TBL1X: variants seen among roughly 807,000 people sequenced by gnomAD.
TBL1X encodes F-box-like/WD repeat-containing protein TBL1X.
In TBL1X, 10 loss-of-function variants were observed where a neutral mutation model predicts 50.7. The ratio of observed to expected loss-of-function variants is 0.20; its 90% CI spans 0.12 to 0.33. The LOEUF is 0.33. TBL1X is among the 10% of genes least tolerant of loss of function. The pLI is 1.00. For missense variants in TBL1X, 340 were observed against 504.4 expected, an observed-to-expected ratio of 0.67 and a Z score of 3.12; for synonymous variants, 190 against 214.7, an observed-to-expected ratio of 0.88 and a Z score of 1.01.
chrX:9,665,523 A>ATATATATATG (rs2082924929), intron 5 of TBL1X, among the ~76,000 whole-genome samples: 2 of 52,047 alleles, frequency 3.8e-5, no homozygotes, highest in Non-Finnish European at 7.3e-5. Flanking sequence ...ATATATATAT[A>ATATATATATG]TATATATATA....
rs2082848916 is a variant in TBL1X, at chrX:9,653,666, A to G, written c.80A>G (p.His27Arg). The change falls in exon 4 of 18, where the codon CAC becomes CGC. Residue 27 changes from histidine to arginine, a missense_variant. Physicochemically the swap from His to Arg is conservative, Grantham distance 29 (BLOSUM62 0). This residue lies in a region of TBL1X where 41 missense variants were observed against 48.6 expected (regional missense o/e 0.84). Transcript: ENST00000645353. ...GGGGCCATGCAGTCAGTCTTGCACC[A>G]CTTTCAACGTTTGCGAGGGAGAGGT... ...GRGAMQSVLH[H>R]FQRLRGREGG... is the part of the protein sequence containing the mutation. 8.5e-7 allele frequency: 1 copy of G among 1,170,077 alleles called. No individual in the cohort carries two copies. Among genetic ancestry groups the G allele is most frequent in the Non-Finnish European group, 1.1e-6 (1 of 874,706 alleles).
chrX:9,486,386 AC>A (rs1250404810), intron 1 of TBL1X, among the ~76,000 whole-genome samples: 2 of 109,805 alleles, frequency 1.8e-5, no homozygotes, highest in Non-Finnish European at 3.8e-5. Flanking sequence ...GGTGTGTGCC[AC>A]CACACCTGGT....
At chrX:9,627,953 A>C (rs1027943547) in intron 2 of TBL1X, among the ~76,000 whole-genome samples, 5 of 112,463 alleles carry the variant, frequency 4.4e-5, no homozygotes, top group Admixed American at 3.8e-4. Context: ...TCTGAATGGG[A>C]AAGTGAGGAG....
At chrX:9,531,810 G>A (rs866048254) in intron 2 of TBL1X, among the ~76,000 whole-genome samples, 6 of 109,258 alleles carry the variant, frequency 5.5e-5, no homozygotes, top group African/African-American at 1.3e-4. Flanking sequence ...TCAGCTCACC[G>A]CAACCTCCAC....
At chrX:9,491,338 A>ATATATATATATATATATATTTT (rs1328551249) in intron 1 of TBL1X, among the ~76,000 whole-genome samples, 1 of 31,312 alleles carries the variant, frequency 3.2e-5, no homozygotes, top group African/African-American at 1.2e-4. Context: ...ATATATATAT[A>ATATATATATATATATATATTTT]TTTTTTTTTT....
chrX:9,689,912 G>A (rs910293776), intron 7 of TBL1X, among the ~76,000 whole-genome samples: 2 of 112,359 alleles, frequency 1.8e-5, no homozygotes, highest in African/African-American at 6.5e-5. Context: ...CAGGCTTCTC[G>A]AGCTAAGCAG....
intron 2 of TBL1X, among the ~76,000 whole-genome samples, chrX:9,616,714 AT>A: frequency 8.9e-6 from 1 of 112,228 alleles, no homozygotes. Flanking sequence ...GGACAACTTT[AT>A]TATTACTAAG....
chrX:9,682,695 C>T (rs896968110), intron 5 of TBL1X, among the ~76,000 whole-genome samples: 11 of 111,828 alleles, frequency 9.8e-5, no homozygotes, highest in African/African-American at 3.2e-4. Flanking sequence ...AGAGGGAAGC[C>T]GGCTGCCACT....
chrX:9,478,529 G>A (rs752568989), intron 1 of TBL1X, among the ~76,000 whole-genome samples: 1 of 111,893 alleles, frequency 8.9e-6, no homozygotes, highest in Admixed American at 9.5e-5. Flanking sequence ...GAACTTTGGA[G>A]GACTTTTAGG....
intron 2 of TBL1X, among the ~76,000 whole-genome samples, chrX:9,630,895 G>T (rs929253601): frequency 1.8e-5 from 2 of 112,180 alleles, no homozygotes; most frequent in Non-Finnish European, 3.8e-5. Flanking sequence ...TTTTCAATCC[G>T]TAGATGCAGA....
At chrX:9,498,384 G>T (rs183257325) in intron 1 of TBL1X, among the ~76,000 whole-genome samples, 37 of 112,413 alleles carry the variant, frequency 3.3e-4, no homozygotes, top group Admixed American at 2.9e-3. Context: ...GGGTTTTTAG[G>T]CCTGCGTTTG....
intron 5 of TBL1X, among the ~76,000 whole-genome samples, chrX:9,671,244 T>C (rs1286474483): frequency 8.9e-6 from 1 of 112,674 alleles, no homozygotes; most frequent in Non-Finnish European, 1.9e-5. Context: ...CAGGTGAAAC[T>C]AGGCACAACC....
intron 2 of TBL1X, among the ~76,000 whole-genome samples, chrX:9,607,899 A>C (rs1055160095): frequency 1.8e-5 from 2 of 109,295 alleles, no homozygotes; most frequent in African/African-American, 6.7e-5. Flanking sequence ...CTACAGCCTC[A>C]ACCTCCTGGG....
chrX:9,665,012 T>A (rs2082919084), intron 5 of TBL1X, among the ~76,000 whole-genome samples: 1 of 110,778 alleles, frequency 9.0e-6, no homozygotes, highest in Non-Finnish European at 1.9e-5. Flanking sequence ...GTTGTAGGAT[T>A]TTTTTTTCCT....
At chrX:9,691,390 C>G (rs1337612983) in intron 7 of TBL1X, among the ~76,000 whole-genome samples, 189 bp from the exon 8 acceptor site, 4 of 99,306 alleles carry the variant, frequency 4.0e-5, no homozygotes, top group African/African-American at 1.5e-4. Context: ...GAGCCGAGGT[C>G]GTGCCACTGC....
At chrX:9,463,910 CAA>C (rs768777561), upstream of TBL1X, among the ~76,000 whole-genome samples, 877 of 108,811 alleles carry the variant, frequency 8.1e-3, 7 homozygotes, top group African/African-American at 0.028. Context: ...AAAACAAAAA[CAA>C]AAAAACAAAA....
chrX:9,565,267 G>A (rs1225591981), intron 2 of TBL1X, among the ~76,000 whole-genome samples: 4 of 13,681 alleles, frequency 2.9e-4, no homozygotes, highest in East Asian at 1.3e-3. Flanking sequence ...GCGAGACTCC[G>A]TCTCAAAAAA....
At chrX:9,671,634 C>T (rs1255596962) in intron 5 of TBL1X, among the ~76,000 whole-genome samples, 1 of 112,719 alleles carries the variant, frequency 8.9e-6, no homozygotes, top group Non-Finnish European at 1.9e-5. Flanking sequence ...AAAAGAATAG[C>T]ACATCACCCT....
intron 2 of TBL1X, among the ~76,000 whole-genome samples, chrX:9,625,921 C>T (rs772003279): frequency 1.8e-5 from 2 of 112,136 alleles, no homozygotes; most frequent in Admixed American, 9.4e-5. Flanking sequence ...CCAGCCTGGG[C>T]GGTTACCCTT....
Sources: gnomAD v4.1 joint callset for allele counts (sites outside exome capture counted in the v4.1 genomes callset) on GRCh38, gnomAD v4.1.1 for gene constraint, gnomAD v4.1.1 regional missense constraint, MANE v1.5 for transcripts, NCBI Gene and HGNC (gene_info 2026-07-23, HGNC 2026-07-21) for gene names.